The following ABRAXAS2 variants were observed in gnomAD, a reference collection of about 807,000 sequenced individuals.
The protein encoded by ABRAXAS2 is BRISC complex subunit Abraxas 2.
ABRAXAS2 carries 23 observed loss-of-function variants against 49.0 expected under a neutral mutation model. The ratio of observed to expected loss-of-function variants is 0.47; its 90% CI spans 0.34 to 0.66. ABRAXAS2 has a LOEUF of 0.66. Among genes scored for constraint, ABRAXAS2 ranks in the 30% least tolerant of loss-of-function variants. The pLI is 0.01. For synonymous variants in ABRAXAS2, 168 were observed against 180.2 expected (o/e 0.93, Z 0.54); for missense variants, 443 against 511.9 (o/e 0.87, Z 1.30).
At chr10:124,826,862 C>T (rs916977967) in intron 5 of ABRAXAS2, 77 bp downstream of exon 5, 1 of 1,409,864 alleles carries the variant, frequency 7.1e-7, no homozygotes, top group African/African-American at 1.4e-5. Context: ...GCCTGTAATC[C>T]CAGCACTTTG....
Position 124,835,793 on chromosome 10 carries a change from G to A in ABRAXAS2, c.*822G>A, listed in dbSNP as rs1950965528. 6.6e-6 allele frequency: 1 copy of A among 152,252 alleles called. No homozygotes were observed. Among genetic ancestry groups the A allele is most frequent in the African/African-American group, 2.4e-5 (1 of 41,462 alleles). The allele number at this position is 152,252 out of a possible 1,614,324, so 9.4% of individuals were successfully genotyped here. ...TGAGTTTTATAATGAACAGATTCCA[G>A]ACACGGTAGGTTTAGCTGAGTTCAT... On this transcript the variant is annotated 3_prime_UTR_variant, in exon 9 of 9. Transcript: ENST00000298492.
chr10:124,806,626 G>A (rs1219716033), intron 1 of ABRAXAS2, among the ~76,000 whole-genome samples: 1 of 152,120 alleles, frequency 6.6e-6, no homozygotes, highest in Non-Finnish European at 1.5e-5. Flanking sequence ...ATTTTATCTT[G>A]TTATCCTTTT....
intron 3 of ABRAXAS2, 145 bp downstream of exon 3, chr10:124,816,757 C>T (rs546012181): frequency 4.9e-6 from 3 of 616,158 alleles, no homozygotes; most frequent in Non-Finnish European, 8.7e-6. Context: ...GTACACGGCA[C>T]TGTGTTAGGT....
At chr10:124,818,333 T>G (rs1245948973) in intron 3 of ABRAXAS2, among the ~76,000 whole-genome samples, 1 of 150,748 alleles carries the variant, frequency 6.6e-6, no homozygotes, top group East Asian at 2.0e-4. Flanking sequence ...GAGGTGGAGC[T>G]TGGAGAGAGC....
At chr10:124,830,635 C>T (rs982256058) in intron 7 of ABRAXAS2, among the ~76,000 whole-genome samples, 2 of 152,230 alleles carry the variant, frequency 1.3e-5, no homozygotes, top group Non-Finnish European at 2.9e-5. Flanking sequence ...TTTATACAGA[C>T]TCACTGGTCA....
chr10:124,802,374 A>G (rs750257390), intron 1 of ABRAXAS2, among the ~76,000 whole-genome samples: 1 of 152,208 alleles, frequency 6.6e-6, no homozygotes, highest in Non-Finnish European at 1.5e-5. Flanking sequence ...CGTGGCTGTC[A>G]CTACTGATAC....
intron 2 of ABRAXAS2, among the ~76,000 whole-genome samples, chr10:124,815,255 C>T (rs574671184): frequency 1.1e-3 from 167 of 151,660 alleles, no homozygotes; most frequent in African/African-American, 3.9e-3. Context: ...AGTGCAGTGG[C>T]GCGATCTGGG....
intron 4 of ABRAXAS2, among the ~76,000 whole-genome samples, chr10:124,821,491 G>A (rs545976236): frequency 6.6e-5 from 10 of 151,992 alleles, no homozygotes; most frequent in East Asian, 5.9e-4. Flanking sequence ...GCTTGAACCC[G>A]GGAGGCAGAG....
At chr10:124,803,199 G>A (rs1166974154) in intron 1 of ABRAXAS2, among the ~76,000 whole-genome samples, 2 of 152,110 alleles carry the variant, frequency 1.3e-5, no homozygotes, top group African/African-American at 4.8e-5. Context: ...AGAACAAGCA[G>A]CTACCTGTTG....
intron 2 of ABRAXAS2, among the ~76,000 whole-genome samples, chr10:124,811,836 C>T (rs781271715): frequency 3.9e-5 from 6 of 152,108 alleles, no homozygotes; most frequent in Admixed American, 6.6e-5. Flanking sequence ...AATGCAATGG[C>T]GCACAATCTT....
intron 1 of ABRAXAS2, among the ~76,000 whole-genome samples, chr10:124,803,395 A>C (rs1950719361): frequency 2.0e-5 from 3 of 152,238 alleles, no homozygotes; most frequent in African/African-American, 7.2e-5. Context: ...TTAAGGTTGA[A>C]GAACCAACAA....
At chr10:124,820,492 A>T (rs1950855453) in intron 4 of ABRAXAS2, among the ~76,000 whole-genome samples, 1 of 151,226 alleles carries the variant, frequency 6.6e-6, no homozygotes, top group Admixed American at 6.6e-5. Flanking sequence ...AAAGTTTTTT[A>T]TTTTTTTGAG....
intron 2 of ABRAXAS2, among the ~76,000 whole-genome samples, chr10:124,816,051 C>A (rs887725996): frequency 2.0e-5 from 3 of 151,870 alleles, no homozygotes; most frequent in African/African-American, 7.3e-5. Context: ...TACAGGCGCC[C>A]GCCACCACGC....
chr10:124,818,278 C>T (rs1180818567), intron 3 of ABRAXAS2, among the ~76,000 whole-genome samples: 1 of 151,842 alleles, frequency 6.6e-6, no homozygotes, highest in Non-Finnish European at 1.5e-5. Context: ...TGCCTGTAGT[C>T]CCAGCTACTT....
Position 124,834,795 on chromosome 10 carries a change from C to T in ABRAXAS2, c.1072C>T (p.Leu358Phe). The T allele has an allele frequency of 6.2e-7, 1 of 1,614,066 alleles. No homozygotes were observed. Residue 358 changes from leucine (L) to phenylalanine (F), a missense_variant, in exon 9 of 9, where the codon CTT (leucine) becomes TTT (phenylalanine). Transcript: ENST00000298492. The part of the protein sequence containing the change: ...GLKYPGSGAD[L>F]PPPQRAAGDS... The stretch of plus-strand genomic sequence containing the variant: ...GAAGTATCCTGGAAGTGGGGCTGAC[C>T]TTCCTCCTCCCCAAAGAGCAGCTGG...
Position 124,834,551 on chromosome 10 carries a change from C to T in ABRAXAS2, c.828C>T (p.Asp276=), listed in dbSNP as rs1421299394. 23 of 1,614,016 alleles carry T rather than the reference C, an allele frequency of 1.4e-5. No homozygotes were observed. Among genetic ancestry groups the T allele is most frequent in the Non-Finnish European group, 1.9e-5 (23 of 1,180,030 alleles). ...LSRQMPSESL[D]PAFSPRMPSS... ...GACAGATGCCGTCTGAAAGCTTGGA[C>T]CCAGCGTTCAGTCCTCGGATGCCGT... Residue 276 remains aspartate (D), a synonymous_variant, in exon 9 of 9, where the codon GAC becomes GAT. Transcript: ENST00000298492.
chr10:124,826,495 A>G, intron 4 of ABRAXAS2, 100 bp from the exon 5 acceptor site: 1 of 1,203,386 alleles, frequency 8.3e-7, no homozygotes, highest in Non-Finnish European at 1.2e-6. Flanking sequence ...GGGCTTTTGC[A>G]CATAAAGCTA....
At chr10:124,829,025 A>G in intron 6 of ABRAXAS2, 150 bp downstream of exon 6, 1 of 702,458 alleles carries the variant, frequency 1.4e-6, no homozygotes, top group Non-Finnish European at 2.3e-6. Context: ...AGATACCACC[A>G]GCATGTATCA....
chr10:124,803,033 G>A (rs1407448866), intron 1 of ABRAXAS2, among the ~76,000 whole-genome samples: 1 of 152,074 alleles, frequency 6.6e-6, no homozygotes, highest in Non-Finnish European at 1.5e-5. Context: ...GAAGACTATG[G>A]CCTAGGGTAC....
Sources: gnomAD v4.1 joint callset for allele counts (sites outside exome capture counted in the v4.1 genomes callset) on GRCh38, gnomAD v4.1.1 for gene constraint, MANE v1.5 for transcripts, NCBI Gene and HGNC (gene_info 2026-07-23, HGNC 2026-07-21) for gene names.